TRIP12: variants seen among roughly 807,000 people sequenced by gnomAD.
TRIP12 encodes the protein thyroid hormone receptor interactor 12, also known as E3 ubiquitin-protein ligase TRIP12.
A neutral mutation model predicts 244.2 loss-of-function variants in TRIP12; 25 were observed. The ratio of observed to expected loss-of-function variants is 0.10; its 90% CI spans 0.07 to 0.14. The LOEUF is 0.14. TRIP12 is among the 10% of genes least tolerant of loss of function. The pLI, the probability that TRIP12 is intolerant of heterozygous loss-of-function variation, is 1.00. For synonymous variants in TRIP12, 905 were observed against 873.1 expected (o/e 1.04, Z -0.64); for missense variants, 1,677 against 2,486.4 (o/e 0.67, Z 6.92).
At chr2:229,786,227 G>T (rs998987518) in intron 33 of TRIP12, among the ~76,000 whole-genome samples, 2 of 152,110 alleles carry the variant, frequency 1.3e-5, no homozygotes, top group African/African-American at 4.8e-5. Flanking sequence ...TAGATATGGA[G>T]GTGACAGGTC....
intron 1 of TRIP12, among the ~76,000 whole-genome samples, chr2:229,897,246 C>A (rs1012253108): frequency 1.3e-5 from 2 of 152,216 alleles, no homozygotes; most frequent in Non-Finnish European, 2.9e-5. Context: ...ATATACACTT[C>A]ATTTATATAC....
chr2:229,884,231 C>CTTTTTT (rs773209174), intron 1 of TRIP12, among the ~76,000 whole-genome samples: 1 of 122,568 alleles, frequency 8.2e-6, no homozygotes. Flanking sequence ...TGCAATTTTT[C>CTTTTTT]TTTTCTTTTT....
At chr2:229,790,992 G>C (rs575457836) in intron 30 of TRIP12, 132 bp downstream of exon 30, 2 of 1,159,864 alleles carry the variant, frequency 1.7e-6, no homozygotes, top group African/African-American at 3.1e-5. Flanking sequence ...TGATCAAACT[G>C]TTTGTAATGT....
chr2:229,822,174 GA>G lies in TRIP12; in HGVS notation c.1451-3663del, dbSNP rs377267054. 4.4e-3 allele frequency among the ~76,000 whole-genome samples: 676 copies of G among 152,230 alleles called. 6 individuals carry two copies. Among genetic ancestry groups the G allele is most frequent in the African/African-American group, 0.016 (654 of 41,538 alleles). ...CAAACAAACAAACAAAAAACTGATAGAGGGGAGAGTAAGAAGTTTTGATAAG... is the reference window on the plus strand; with the variant it reads ...CAAACAAACAAACAAAAAACTGATAGGGGGAGAGTAAGAAGTTTTGATAAG... On this transcript the variant is annotated intron_variant, in intron 8 of 41. Coordinates refer to ENST00000675903, the MANE Select transcript of TRIP12 (RefSeq NM_001348323.3).
chr2:229,774,940 T>A (rs567321809), intron 37 of TRIP12, among the ~76,000 whole-genome samples: 3 of 152,144 alleles, frequency 2.0e-5, no homozygotes, highest in South Asian at 2.1e-4. Flanking sequence ...TCTAAGATTA[T>A]GAAAGGCCCA....
At chr2:229,844,950 A>T (rs1203039765) in intron 4 of TRIP12, among the ~76,000 whole-genome samples, 1 of 152,134 alleles carries the variant, frequency 6.6e-6, no homozygotes, top group Non-Finnish European at 1.5e-5. Context: ...TGTCTTCTCC[A>T]ACACATTTCT....
rs1246282538 is a variant in TRIP12, at chr2:229,764,563, AGACAG to A, written c.*2986_*2990del. 6.6e-6 allele frequency: 1 copy of A among 152,218 alleles called. No individual in the cohort carries two copies. The highest frequency in any genetic ancestry group is 1.5e-5 in the Non-Finnish European group (1 of 68,036). The allele number at this position is 152,218 out of a possible 1,614,324, so 9.4% of individuals were successfully genotyped here. A position where few individuals can be genotyped will look rare whatever the true frequency, so the allele number is the denominator to read the frequency against. ...TCTCATTTCCTGAGCTCACGCTCAC[AGACAG>A]GAGTCGAGAGTACAGCTGCAGCACC... On this transcript the variant is annotated 3_prime_UTR_variant, in exon 42 of 42. Coordinates refer to ENST00000675903, the MANE Select transcript of TRIP12 (RefSeq NM_001348323.3).
At chr2:229,872,573 T>C (rs1381725935) in intron 2 of TRIP12, among the ~76,000 whole-genome samples, 1 of 151,508 alleles carries the variant, frequency 6.6e-6, no homozygotes. Flanking sequence ...CCAAAAAAAA[T>C]AAAGAAAAAG....
intron 2 of TRIP12, among the ~76,000 whole-genome samples, chr2:229,878,556 A>G (rs1398357305): frequency 1.3e-5 from 2 of 151,680 alleles, no homozygotes; most frequent in Admixed American, 1.3e-4. Flanking sequence ...ATGTGCTTTT[A>G]TTCTTTACAT....
At chr2:229,817,503 G>A (rs1284957987) in intron 9 of TRIP12, among the ~76,000 whole-genome samples, 1 of 152,136 alleles carries the variant, frequency 6.6e-6, no homozygotes, top group Non-Finnish European at 1.5e-5. Context: ...AAGGAATCAA[G>A]CTGTTAATAA....
At chr2:229,835,053 G>A (rs2054449380) in intron 6 of TRIP12, among the ~76,000 whole-genome samples, 1 of 152,086 alleles carries the variant, frequency 6.6e-6, no homozygotes, top group African/African-American at 2.4e-5. Context: ...TTTTACACAT[G>A]CAGAAACTAA....
At chr2:229,856,701 C>G (rs1262918151) in intron 4 of TRIP12, among the ~76,000 whole-genome samples, 1 of 152,124 alleles carries the variant, frequency 6.6e-6, no homozygotes, top group Non-Finnish European at 1.5e-5. Flanking sequence ...CTGACAGACA[C>G]AAAACACAGG....
intron 39 of TRIP12, among the ~76,000 whole-genome samples, chr2:229,770,666 CT>C (rs1420045715): frequency 6.6e-6 from 1 of 152,170 alleles, no homozygotes; most frequent in African/African-American, 2.4e-5. Flanking sequence ...GGCTGTGCCC[CT>C]ACCCCAAATC....
intron 1 of TRIP12, among the ~76,000 whole-genome samples, chr2:229,911,094 C>CTGGG (rs1267534072): frequency 6.6e-6 from 1 of 152,144 alleles, no homozygotes; most frequent in Non-Finnish European, 1.5e-5. Flanking sequence ...ATATATGAAG[C>CTGGG]TGGGTGGCTG....
At chr2:229,812,195 A>C (rs983272194) in intron 13 of TRIP12, among the ~76,000 whole-genome samples, 3 of 152,024 alleles carry the variant, frequency 2.0e-5, no homozygotes, top group African/African-American at 7.2e-5. Flanking sequence ...AGATCAAGCG[A>C]TCCTCCTGCC....
At position 229,799,027 on chromosome 2, in the gene TRIP12, C is replaced by G; in HGVS notation, c.3330G>C (p.Gln1110His). Residue 1110 changes from glutamine (Q) to histidine (H), a missense_variant, in exon 23 of 42, where the codon CAG becomes CAC. Gln to His is a conservative substitution (Grantham distance 24). This residue lies in a region of TRIP12 where 572 missense variants were observed against 867.8 expected (regional missense o/e 0.66). Coordinates refer to ENST00000675903, the MANE Select transcript of TRIP12 (RefSeq NM_001348323.3). Reference protein sequence around the residue: ...DNQAKSPTTTQSPKSSFLASL... With the variant: ...DNQAKSPTTTHSPKSSFLASL... ...TTGCCAGGAAAGAAGATTTAGGTGA[C>G]TGAGTAGTGGTGGGGCTTTTAGCTA... 2 of 1,614,128 alleles carry G rather than the reference C, an allele frequency of 1.2e-6. No homozygotes were observed. Among genetic ancestry groups the G allele is most frequent in the Non-Finnish European group, 1.7e-6 (2 of 1,180,030 alleles).
chr2:229,771,411 A>C (rs1348857570), intron 39 of TRIP12, 108 bp downstream of exon 39: 28 of 811,978 alleles, frequency 3.4e-5, no homozygotes, highest in South Asian at 1.8e-5. Flanking sequence ...GCTATCTAAC[A>C]CCCATTTTTT....
intron 8 of TRIP12, among the ~76,000 whole-genome samples, chr2:229,821,184 T>C (rs1050600886): frequency 2.6e-5 from 4 of 152,162 alleles, no homozygotes; most frequent in Non-Finnish European, 5.9e-5. Flanking sequence ...AAAAACACAA[T>C]GATTGCTAGT....
intron 37 of TRIP12, among the ~76,000 whole-genome samples, chr2:229,776,577 G>A (rs1474374883): frequency 2.0e-5 from 3 of 152,112 alleles, no homozygotes; most frequent in Admixed American, 6.5e-5. Context: ...CAACTCATCA[G>A]GAGAGGTGAC....
Sources: allele counts gnomAD v4.1 joint callset (sites outside exome capture counted in the v4.1 genomes callset), GRCh38; gene constraint gnomAD v4.1.1; regional missense constraint gnomAD v4.1.1; transcripts MANE v1.5; gene names NCBI Gene and HGNC (gene_info 2026-07-23, HGNC 2026-07-21).